The following GALNT7 variants were observed in gnomAD, a reference collection of about 807,000 sequenced individuals.
The protein encoded by GALNT7 is N-acetylgalactosaminyltransferase 7.
A neutral mutation model predicts 82.1 loss-of-function variants in GALNT7; 60 were observed. That is an observed-to-expected ratio of 0.73 (90% confidence interval 0.59 to 0.91). The LOEUF (loss-of-function observed/expected upper bound fraction) is 0.91. Among genes scored for constraint, GALNT7 ranks in the 40% least tolerant of loss-of-function variants. The pLI is 0.00. For missense variants in GALNT7, 660 were observed against 804.2 expected, an observed-to-expected ratio of 0.82 and a Z score of 2.17; for synonymous variants, 243 against 275.1, an observed-to-expected ratio of 0.88 and a Z score of 1.15.
chr4:173,289,018 A>G (rs1283881309), intron 2 of GALNT7, among the ~76,000 whole-genome samples: 2 of 152,074 alleles, frequency 1.3e-5, no homozygotes, highest in African/African-American at 4.8e-5. Context: ...CCCTGAAAAG[A>G]AAGAAGGAAA....
chr4:173,292,120 G>C lies in GALNT7; in HGVS notation c.600G>C (p.Trp200Cys). The change falls in exon 3 of 12, where the codon TGG becomes TGC. Residue 200 changes from tryptophan to cysteine, a missense_variant. Physicochemically the swap from Trp to Cys is radical, Grantham distance 215. Transcript: ENST00000265000. The surrounding 1 kb of genome is among the most constrained non-coding windows in gnomAD (Gnocchi z 4.8). Reference sequence around the variant, plus strand: ...TTTCTCTTTACAGATGCAAGTATTGGCATTATGATGAAAACTTGCTCACTT... The same window carrying C: ...TTTCTCTTTACAGATGCAAGTATTGCCATTATGATGAAAACTTGCTCACTT... ...NDLRQEECKY[W>C]HYDENLLTSS... 1.9e-6 allele frequency: 3 copies of C among 1,605,404 alleles called. No homozygotes were observed. Among genetic ancestry groups the C allele is most frequent in the Non-Finnish European group, 2.6e-6 (3 of 1,174,972 alleles).
At chr4:173,217,988 T>C (rs1467743900) in intron 1 of GALNT7, among the ~76,000 whole-genome samples, 2 of 152,220 alleles carry the variant, frequency 1.3e-5, no homozygotes, top group African/African-American at 4.8e-5. Flanking sequence ...TCCAGAGAGT[T>C]CTCTGATTAA....
chr4:173,291,119 C>T (rs192340252), intron 2 of GALNT7, among the ~76,000 whole-genome samples: 194 of 152,282 alleles, frequency 1.3e-3, no homozygotes, highest in Non-Finnish European at 2.5e-3. Context: ...GTATTTTCAC[C>T]AATTCTGGTG....
intron 1 of GALNT7, among the ~76,000 whole-genome samples, chr4:173,203,342 C>T (rs767705204): frequency 1.8e-4 from 27 of 152,364 alleles, no homozygotes; most frequent in Admixed American, 4.6e-4. Flanking sequence ...CCTCCCGCCT[C>T]GGCCTCCCAA....
chr4:173,318,906 TTAAAG>T (rs1245344795), intron 11 of GALNT7, among the ~76,000 whole-genome samples: 9 of 152,064 alleles, frequency 5.9e-5, no homozygotes, highest in South Asian at 2.1e-4. Context: ...GAATCATTCA[TTAAAG>T]TAAAATATAT....
rs1207671134 is a variant in GALNT7 at position 173,322,929 on chromosome 4, C to T, written c.*1212C>T. On this transcript the variant is annotated 3_prime_UTR_variant, in exon 12 of 12. Transcript: ENST00000265000. ...CTACTTTCTGTTACATTAGGTGTTC[C>T]CTAGTGTTTCTTAATTTCTTTTTAG... 3 of 151,792 alleles carry T rather than the reference C, an allele frequency of 2.0e-5. No individual in the cohort carries two copies. The highest frequency in any genetic ancestry group is 4.4e-5 in the Non-Finnish European group (3 of 67,918). 9.4% of individuals were successfully genotyped at this position (151,792 alleles called of 1,614,324 possible). A position where few individuals can be genotyped will look rare whatever the true frequency, so the allele number is the denominator to read the frequency against.
intron 1 of GALNT7, among the ~76,000 whole-genome samples, chr4:173,239,287 G>A (rs748161878): frequency 6.6e-6 from 1 of 152,170 alleles, no homozygotes; most frequent in Admixed American, 6.5e-5. Flanking sequence ...AGTGGCATAA[G>A]ATAATAGACC....
intron 1 of GALNT7, among the ~76,000 whole-genome samples, chr4:173,225,049 A>AATAATAATAATAATT (rs1237783020): frequency 7.0e-6 from 1 of 142,850 alleles, no homozygotes; most frequent in African/African-American, 2.6e-5. Flanking sequence ...TAATAATAAT[A>AATAATAATAATAATT]ATTATAATTA....
chr4:173,196,920 A>G (rs926609837), intron 1 of GALNT7, among the ~76,000 whole-genome samples: 3 of 152,126 alleles, frequency 2.0e-5, no homozygotes, highest in African/African-American at 7.2e-5. Context: ...TGCTTCCTAG[A>G]TGTTATCTTT....
intron 1 of GALNT7, among the ~76,000 whole-genome samples, chr4:173,247,533 A>AT (rs1316003102): frequency 6.6e-6 from 1 of 152,048 alleles, no homozygotes; most frequent in African/African-American, 2.4e-5. Flanking sequence ...CATCCATCTA[A>AT]TACCACTGCC....
At chr4:173,195,392 C>T (rs549297715) in intron 1 of GALNT7, among the ~76,000 whole-genome samples, 261 of 152,256 alleles carry the variant, frequency 1.7e-3, no homozygotes, top group Non-Finnish European at 3.1e-3. Flanking sequence ...TGAAACAGTT[C>T]TCGGAGTCTA....
rs115236819 is a variant in GALNT7, at chr4:173,311,096, C to T, written c.1390-2862C>T. 5.4e-3 allele frequency among the ~76,000 whole-genome samples: 821 copies of T among 152,330 alleles called. 6 individuals are homozygous for T. Among genetic ancestry groups the T allele is most frequent in the African/African-American group, 0.018 (757 of 41,576 alleles). ...CAGTTTTTGTAAACTACTTGCTATACTGCAATACACCATGATTTGTCATAC... is the reference window on the plus strand; with the variant it reads ...CAGTTTTTGTAAACTACTTGCTATATTGCAATACACCATGATTTGTCATAC... On this transcript the variant is annotated intron_variant, in intron 8 of 11. Transcript: ENST00000265000.
At chr4:173,206,700 T>C (rs1361028001) in intron 1 of GALNT7, among the ~76,000 whole-genome samples, 1 of 152,132 alleles carries the variant, frequency 6.6e-6, no homozygotes, top group African/African-American at 2.4e-5. Flanking sequence ...AAAAGAACAG[T>C]GATGGGTGAG....
At chr4:173,301,656 G>A (rs1296375652) in intron 6 of GALNT7, among the ~76,000 whole-genome samples, 1 of 152,182 alleles carries the variant, frequency 6.6e-6, no homozygotes, top group African/African-American at 2.4e-5. Context: ...ACCCAAGAAT[G>A]ACTCATAAAT....
chr4:173,295,996 T>C (rs1736705622), intron 5 of GALNT7, among the ~76,000 whole-genome samples, 153 bp downstream of exon 5: 1 of 152,210 alleles, frequency 6.6e-6, no homozygotes, highest in Non-Finnish European at 1.5e-5. Flanking sequence ...TGGGTGGAGC[T>C]AGACTGATAC....
intron 1 of GALNT7, among the ~76,000 whole-genome samples, chr4:173,219,114 T>C (rs950867287): frequency 2.6e-5 from 4 of 152,124 alleles, no homozygotes; most frequent in Non-Finnish European, 4.4e-5. Flanking sequence ...TGTAGTCTTT[T>C]ATCCCTCTCC....
At chr4:173,198,908 G>T (rs1732861918) in intron 1 of GALNT7, among the ~76,000 whole-genome samples, 2 of 152,110 alleles carry the variant, frequency 1.3e-5, no homozygotes, top group East Asian at 1.9e-4. Context: ...GTCATAAAAG[G>T]CCTCTTGAAG....
intron 2 of GALNT7, among the ~76,000 whole-genome samples, chr4:173,251,014 A>C (rs1476442820): frequency 6.6e-6 from 1 of 152,104 alleles, no homozygotes; most frequent in African/African-American, 2.4e-5. Flanking sequence ...GTATCTATCA[A>C]ATTTTATAAT....
intron 2 of GALNT7, among the ~76,000 whole-genome samples, chr4:173,271,137 G>T (rs917638591): frequency 2.0e-5 from 3 of 152,180 alleles, no homozygotes; most frequent in Non-Finnish European, 4.4e-5. Flanking sequence ...TCTGCAAAGT[G>T]AATACGAAAA....
Sources: allele counts gnomAD v4.1 joint callset (sites outside exome capture counted in the v4.1 genomes callset), GRCh38; gene constraint gnomAD v4.1.1; non-coding constraint Gnocchi (gnomAD v3.1); transcripts MANE v1.5; gene names NCBI Gene and HGNC (gene_info 2026-07-23, HGNC 2026-07-21).